Variants in PCDHB13 observed in about 807,000 individuals in gnomAD.
PCDHB13 encodes protocadherin beta 13.
For synonymous variants in PCDHB13, 515 were observed against 450.7 expected (o/e 1.14, Z -1.81); for missense variants, 1,065 against 1,016.7 (o/e 1.05, Z -0.65).
rs2149682896 is a variant in PCDHB13, at chr5:141,216,881, T to C, written c.*361T>C. 3.2e-6 allele frequency: 1 copy of C among 316,924 alleles called. No homozygotes were observed. Among genetic ancestry groups the C allele is most frequent in the Non-Finnish European group, 6.1e-6 (1 of 164,370 alleles). 19.6% of individuals were successfully genotyped at this position (316,924 alleles called of 1,614,324 possible). Reference sequence around the variant, plus strand: ...TTCCAATTTTCCAGCATTTCTTCATTTGATTCTCTTTTTTTAGTCTTAAAA... The same window carrying C: ...TTCCAATTTTCCAGCATTTCTTCATCTGATTCTCTTTTTTTAGTCTTAAAA... On this transcript the variant is annotated 3_prime_UTR_variant, in exon 1 of 1. Coordinates refer to ENST00000341948, the MANE Select transcript of PCDHB13 (RefSeq NM_018933.4).
At position 141,217,246 on chromosome 5, in the gene PCDHB13, T is replaced by A. The variant is rs570589383; in HGVS notation, c.*726T>A. ...TGCCCAAATAATAATTCATATAGCA[T>A]AAATTGGAGTTGTGTGTTAATGTGT... On this transcript the variant is annotated 3_prime_UTR_variant, in exon 1 of 1. Coordinates refer to ENST00000341948, the MANE Select transcript of PCDHB13 (RefSeq NM_018933.4). 8 of 166,672 alleles carry A rather than the reference T, an allele frequency of 4.8e-5. No individual in the cohort carries two copies. Among genetic ancestry groups the A allele is most frequent in the South Asian group, 2.1e-4 (1 of 4,832 alleles). The allele number at this position is 166,672 out of a possible 1,614,324, so 10.3% of individuals were successfully genotyped here. A position where few individuals can be genotyped will look rare whatever the true frequency, so the allele number is the denominator to read the frequency against.
At position 141,215,654 on chromosome 5, in the gene PCDHB13, G is replaced by C; in HGVS notation, c.1531G>C (p.Gly511Arg). ...CCTGGTCTCCATCAACGCGGACAACGGCCACCTGTTCGCCCTCAGGTCTCT... is the reference window on the plus strand; with the variant it reads ...CCTGGTCTCCATCAACGCGGACAACCGCCACCTGTTCGCCCTCAGGTCTCT... ...TSLVSINADNGHLFALRSLDY... is the reference protein window; with the variant it reads ...TSLVSINADNRHLFALRSLDY... Residue 511 changes from glycine (G) to arginine (R), a missense_variant, in exon 1 of 1, where the codon GGC becomes CGC. Physicochemically the swap from Gly to Arg is moderately radical, Grantham distance 125. Transcript: ENST00000341948. 1 of 1,613,450 alleles carries C rather than the reference G, an allele frequency of 6.2e-7. No individual in the cohort carries two copies. Among genetic ancestry groups the C allele is most frequent in the Non-Finnish European group, 8.5e-7 (1 of 1,180,036 alleles).
In PCDHB13 at chr5:141,216,615, C is replaced by T. The variant is rs782473103; in HGVS notation, c.*95C>T. ...CAATTTGTGTGTATGTAATATTGTACGGATTTACTCTTGATTTTTCTCATG... is the reference window on the plus strand; with the variant it reads ...CAATTTGTGTGTATGTAATATTGTATGGATTTACTCTTGATTTTTCTCATG... On this transcript the variant is annotated 3_prime_UTR_variant, in exon 1 of 1. Coordinates refer to ENST00000341948, the MANE Select transcript of PCDHB13 (RefSeq NM_018933.4). The T allele has an allele frequency of 1.2e-5, 13 of 1,048,860 alleles. No individual in the cohort carries two copies. Among genetic ancestry groups the T allele is most frequent in the Admixed American group, 1.2e-4 (7 of 59,118 alleles). 65.0% of individuals were successfully genotyped at this position (1,048,860 alleles called of 1,614,324 possible).
In PCDHB13 at chr5:141,217,462, T is replaced by G. The variant is rs1320659021; in HGVS notation, c.*942T>G. The G allele has an allele frequency of 6.0e-6, 1 of 167,040 alleles. No homozygotes were observed. Among genetic ancestry groups the G allele is most frequent in the Non-Finnish European group, 1.5e-5 (1 of 68,116 alleles). The allele number at this position is 167,040 out of a possible 1,614,324, so 10.3% of individuals were successfully genotyped here. ...ACATAATTTGAAATTACCTATATAT[T>G]TCATTCTATTCAATTTTCAAATGTG... On this transcript the variant is annotated 3_prime_UTR_variant, in exon 1 of 1. Coordinates refer to ENST00000341948, the MANE Select transcript of PCDHB13 (RefSeq NM_018933.4).
In PCDHB13 at chr5:141,216,425, A is replaced by G. The variant is rs781813165; in HGVS notation, c.2302A>G (p.Lys768Glu). The change falls in exon 1 of 1, where the codon AAG becomes GAG. Residue 768 changes from lysine to glutamate, a missense_variant. Coordinates refer to ENST00000341948, the MANE Select transcript of PCDHB13 (RefSeq NM_018933.4). ...AGGGACCAATGAGTTCAAGTTCCTG[A>G]AGCCGATTATCCCCAACTTCCCTCC... is the stretch of plus-strand genomic sequence containing the variant. Reference protein sequence around the residue: ...GSGTNEFKFLKPIIPNFPPQC... With the variant: ...GSGTNEFKFLEPIIPNFPPQC... The G allele has an allele frequency of 1.9e-6, 3 of 1,614,102 alleles. No homozygotes were observed. In the Admixed American group the frequency reaches 5.0e-5, roughly 27 times the overall value.
In PCDHB13 at chr5:141,215,493, C is replaced by T. The variant is rs1554287934; in HGVS notation, c.1370C>T (p.Thr457Ile). 3 of 1,614,184 alleles carry T rather than the reference C, an allele frequency of 1.9e-6. No individual in the cohort carries two copies. The change falls in exon 1 of 1, where the codon ACC (threonine) becomes ATC (isoleucine). Residue 457 changes from threonine (T) to isoleucine (I), a missense_variant. By Grantham distance (89) the Thr-to-Ile change is moderately conservative (BLOSUM62 -1). Coordinates refer to ENST00000341948, the MANE Select transcript of PCDHB13 (RefSeq NM_018933.4). ...NAPAFTQTSY[T>I]LFVRENNSPA... ...CCCGCCTTCACCCAAACCTCCTACA[C>T]CCTGTTCGTCCGCGAGAACAACAGC...
Position 141,214,656 on chromosome 5 carries a change from A to G in PCDHB13, c.533A>G (p.Tyr178Cys). Residue 178 changes from tyrosine to cysteine, a missense_variant, in exon 1 of 1, where the codon TAT (tyrosine) becomes TGT (cysteine). Transcript: ENST00000341948. ...AACTATATAATCAGCCCCAACTCCT[A>G]TTTTCGGGTCCTCACCCGCAAACGC... ...IENYIISPNS[Y>C]FRVLTRKRSD... The G allele has an allele frequency of 1.2e-6, 2 of 1,614,096 alleles. No individual in the cohort carries two copies. Among genetic ancestry groups the G allele is most frequent in the South Asian group, 1.1e-5 (1 of 91,072 alleles).
At position 141,217,882 on chromosome 5, in the gene PCDHB13, TG is replaced by T. The variant is rs1192658822; in HGVS notation, c.*1366del. 3.0e-5 allele frequency: 5 copies of T among 167,014 alleles called. No individual in the cohort carries two copies. The highest frequency in any genetic ancestry group is 7.3e-5 in the Non-Finnish European group (5 of 68,158). 10.3% of individuals were successfully genotyped at this position (167,014 alleles called of 1,614,324 possible). The stretch of plus-strand genomic sequence containing the variant: ...GAAAGCATGGAAAAGAGGAAATTCA[TG>T]GGGATGAGCAAAATGACTACTTCCA... On this transcript the variant is annotated 3_prime_UTR_variant, in exon 1 of 1. Coordinates refer to ENST00000341948, the MANE Select transcript of PCDHB13 (RefSeq NM_018933.4).
rs1754662167 is a variant in PCDHB13 at position 141,218,440 on chromosome 5, T to G, written c.*1920T>G. On this transcript the variant is annotated 3_prime_UTR_variant, in exon 1 of 1. Coordinates refer to ENST00000341948, the MANE Select transcript of PCDHB13 (RefSeq NM_018933.4). Reference sequence around the variant, plus strand: ...ACTGAGTAATTATTCTTTTCTTTTTTCTTTCTTTGTTTATGTTTTAGAGAC... The same window carrying G: ...ACTGAGTAATTATTCTTTTCTTTTTGCTTTCTTTGTTTATGTTTTAGAGAC... 6.0e-6 allele frequency: 1 copy of G among 165,926 alleles called. No homozygotes were observed. The highest frequency in any genetic ancestry group is 2.4e-5 in the African/African-American group (1 of 41,310). 10.3% of individuals were successfully genotyped at this position (165,926 alleles called of 1,614,324 possible).
Position 141,215,717 on chromosome 5 carries a change from G to A in PCDHB13, c.1594G>A (p.Gly532Ser), listed in dbSNP as rs781895430. 1.1e-5 allele frequency: 17 copies of A among 1,612,484 alleles called. No homozygotes were observed. Among genetic ancestry groups the A allele is most frequent in the Non-Finnish European group, 1.4e-5 (16 of 1,179,894 alleles). The change falls in exon 1 of 1, where the codon GGC becomes AGC. Residue 532 changes from glycine (G) to serine (S), a missense_variant. Transcript: ENST00000341948. Reference sequence around the variant, plus strand: ...CCTGCAGGGGTTCCAGTTCCGCGTGGGCGCTTCAGACCACGGCTCCCCGGC... The same window carrying A: ...CCTGCAGGGGTTCCAGTTCCGCGTGAGCGCTTCAGACCACGGCTCCCCGGC... ...EALQGFQFRV[G>S]ASDHGSPALS... is the part of the protein sequence containing the mutation.
rs567795421 is a variant in PCDHB13 at position 141,218,620 on chromosome 5, T to G, written c.*2100T>G. On this transcript the variant is annotated 3_prime_UTR_variant, in exon 1 of 1. Coordinates refer to ENST00000341948, the MANE Select transcript of PCDHB13 (RefSeq NM_018933.4). ...CCCACAGCTATTTTTGTTTGTTTGT[T>G]TGTTTTTTGTTTTGTTTTGTTTTTG... The G allele has an allele frequency of 6.5e-6, 1 of 152,982 alleles. No homozygotes were observed. Among genetic ancestry groups the G allele is most frequent in the Non-Finnish European group, 1.5e-5 (1 of 68,636 alleles). 9.5% of individuals were successfully genotyped at this position (152,982 alleles called of 1,614,324 possible). A position where few individuals can be genotyped will look rare whatever the true frequency, so the allele number is the denominator to read the frequency against.
At position 141,215,316 on chromosome 5, in the gene PCDHB13, A is replaced by C. The variant is rs1554287863; in HGVS notation, c.1193A>C (p.Glu398Ala). ...CTACCCTTCCTCCTGAAATCCGCGG[A>C]AAACTTTTACACCCTACTAACGGAG... ...EDLPFLLKSA[E>A]NFYTLLTERP... The change falls in exon 1 of 1, where the codon GAA becomes GCA. Residue 398 changes from glutamate to alanine, a missense_variant. Transcript: ENST00000341948. The C allele has an allele frequency of 6.2e-7, 1 of 1,614,100 alleles. No individual in the cohort carries two copies. The highest frequency in any genetic ancestry group is 1.7e-5 in the Admixed American group (1 of 60,022).
rs1378758472 is a variant in PCDHB13, at chr5:141,216,831, A to C, written c.*311A>C. The C allele has an allele frequency of 2.6e-6, 1 of 388,112 alleles. No homozygotes were observed. The highest frequency in any genetic ancestry group is 4.9e-6 in the Non-Finnish European group (1 of 203,904). The allele number at this position is 388,112 out of a possible 1,614,324, so 24.0% of individuals were successfully genotyped here. A position where few individuals can be genotyped will look rare whatever the true frequency, so the allele number is the denominator to read the frequency against. On this transcript the variant is annotated 3_prime_UTR_variant, in exon 1 of 1. Coordinates refer to ENST00000341948, the MANE Select transcript of PCDHB13 (RefSeq NM_018933.4). ...CACCCACTATTATGCTTATGGTAAA[A>C]TTAAATAGAGCAATTTGGAAGTGAT...
In PCDHB13 at chr5:141,215,768, G is replaced by T. The variant is rs782784632; in HGVS notation, c.1645G>T (p.Val549Leu). ...GCTGAGCAGCGAGGCGCTGGTGCGCGTGGTGGTGCTGGACGCCAACGACAA... is the reference window on the plus strand; with the variant it reads ...GCTGAGCAGCGAGGCGCTGGTGCGCTTGGTGGTGCTGGACGCCAACGACAA... ...PALSSEALVR[V>L]VVLDANDNSP... The change falls in exon 1 of 1, where the codon GTG (valine) becomes TTG (leucine). Residue 549 changes from valine to leucine, a missense_variant. Physicochemically the swap from Val to Leu is conservative, Grantham distance 32. Transcript: ENST00000341948. The T allele has an allele frequency of 2.3e-5, 37 of 1,611,778 alleles. No homozygotes were observed. Among genetic ancestry groups the T allele is most frequent in the African/African-American group, 4.0e-5 (3 of 74,878 alleles).
At position 141,216,129 on chromosome 5, in the gene PCDHB13, C is replaced by T; in HGVS notation, c.2006C>T (p.Pro669Leu). 1 of 1,610,322 alleles carries T rather than the reference C, an allele frequency of 6.2e-7. No individual in the cohort carries two copies. The highest frequency in any genetic ancestry group is 8.5e-7 in the Non-Finnish European group (1 of 1,179,774). Residue 669 changes from proline to leucine, a missense_variant, in exon 1 of 1, where the codon CCC becomes CTC. Physicochemically the swap from Pro to Leu is moderately conservative, Grantham distance 98 (BLOSUM62 -3). Coordinates refer to ENST00000341948, the MANE Select transcript of PCDHB13 (RefSeq NM_018933.4). The stretch of plus-strand genomic sequence containing the variant: ...CTCCTGGTGGACGGCTTCTCCCAGC[C>T]CTACCTGCCTCTCCCGGAGGCGGCC... ...HVLLVDGFSQ[P>L]YLPLPEAAPT...
Position 141,216,661 on chromosome 5 carries a change from A to C in PCDHB13, c.*141A>C. 2.4e-6 allele frequency: 2 copies of C among 836,012 alleles called. No homozygotes were observed. Among genetic ancestry groups the C allele is most frequent in the Non-Finnish European group, 4.2e-6 (2 of 480,974 alleles). The allele number at this position is 836,012 out of a possible 1,614,324, so 51.8% of individuals were successfully genotyped here. ...TCATGTTCTTTCTCCCTTTGTTTTA[A>C]AGTGAACATTTACCTTTATTCCTGG... On this transcript the variant is annotated 3_prime_UTR_variant, in exon 1 of 1. Transcript: ENST00000341948.
In PCDHB13 at chr5:141,215,343, G is replaced by C. The variant is rs1754567105; in HGVS notation, c.1220G>C (p.Arg407Thr). The C allele has an allele frequency of 1.9e-6, 3 of 1,614,118 alleles. No individual in the cohort carries two copies. The highest frequency in any genetic ancestry group is 2.5e-6 in the Non-Finnish European group (3 of 1,180,038). The change falls in exon 1 of 1, where the codon AGA (arginine) becomes ACA (threonine). Residue 407 changes from arginine (R) to threonine (T), a missense_variant. Transcript: ENST00000341948. ...AACTTTTACACCCTACTAACGGAGA[G>C]ACCACTAGACAGAGAAAGCAGAGCG... ...AENFYTLLTE[R>T]PLDRESRAEY...
In PCDHB13 at chr5:141,216,734, GTAAT is replaced by G. The variant is rs1413263490; in HGVS notation, c.*220_*223del. ...TCTTTAACCCAGATGGTCTTAATTTGTAATTAATTTGCCTCCCTAAAGAGCAATA... is the reference window on the plus strand; with the variant it reads ...TCTTTAACCCAGATGGTCTTAATTTGTAATTTGCCTCCCTAAAGAGCAATA... On this transcript the variant is annotated 3_prime_UTR_variant, in exon 1 of 1. Transcript: ENST00000341948. 1.5e-6 allele frequency: 1 copy of G among 653,640 alleles called. No homozygotes were observed. Among genetic ancestry groups the G allele is most frequent in the African/African-American group, 1.8e-5 (1 of 54,510 alleles). The allele number at this position is 653,640 out of a possible 1,614,324, so 40.5% of individuals were successfully genotyped here.
Position 141,216,159 on chromosome 5 carries a change from C to T in PCDHB13, c.2036C>T (p.Thr679Ile), listed in dbSNP as rs376242901. The change falls in exon 1 of 1, where the codon ACC becomes ATC. Residue 679 changes from threonine (T) to isoleucine (I), a missense_variant. Coordinates refer to ENST00000341948, the MANE Select transcript of PCDHB13 (RefSeq NM_018933.4). ...PYLPLPEAAP[T>I]QAQADLLTVY... ...CTGCCTCTCCCGGAGGCGGCCCCGACCCAGGCCCAGGCCGACTTGCTCACC... is the reference window on the plus strand; with the variant it reads ...CTGCCTCTCCCGGAGGCGGCCCCGATCCAGGCCCAGGCCGACTTGCTCACC... 6.8e-6 allele frequency: 11 copies of T among 1,611,878 alleles called. No homozygotes were observed. The highest frequency in any genetic ancestry group is 2.7e-5 in the African/African-American group (2 of 74,912).
Sources: allele counts gnomAD v4.1 joint callset, GRCh38; gene constraint gnomAD v4.1.1; transcripts MANE v1.5; gene names NCBI Gene and HGNC (gene_info 2026-07-23, HGNC 2026-07-21).